SUPT5H: variants seen among roughly 807,000 people sequenced by gnomAD.
The protein encoded by SUPT5H is transcription elongation factor SPT5.
A neutral mutation model predicts 142.5 loss-of-function variants in SUPT5H; 24 were observed. That is an observed-to-expected ratio of 0.17 (90% CI 0.12 to 0.24). The LOEUF (loss-of-function observed/expected upper bound fraction) is 0.24, where lower values mean the gene tolerates loss of function less well. Among genes scored for constraint, SUPT5H ranks in the 10% least tolerant of loss-of-function variants. The probability of loss-of-function intolerance (pLI) is 1.00; values close to 1 mark genes in which losing one functional copy is unlikely to be tolerated. For missense variants in SUPT5H, 893 were observed against 1,471.8 expected, an observed-to-expected ratio of 0.61 and a Z score of 6.43; for synonymous variants, 546 against 553.0, an observed-to-expected ratio of 0.99 and a Z score of 0.18.
At position 39,469,935 on chromosome 19, in the gene SUPT5H, T is replaced by G; in HGVS notation, c.1375-184T>G. 1 of 720,538 alleles carries G rather than the reference T, an allele frequency of 1.4e-6. No homozygotes were observed. Among genetic ancestry groups the G allele is most frequent in the South Asian group, 1.9e-5 (1 of 53,892 alleles). 44.6% of individuals were successfully genotyped at this position (720,538 alleles called of 1,614,324 possible). On this transcript the variant is annotated intron_variant, in intron 16 of 29. Coordinates refer to ENST00000432763, the MANE Select transcript of SUPT5H (RefSeq NM_001111020.3). This position sits in a 1 kb window ranked among gnomAD's most constrained non-coding sequence, Gnocchi z 5.1. ...GTTGTCCAGGTTGGTGTCCTGTGTC[T>G]GGGGTCAGCTGTTTCTGGGGCAGTC...
chr19:39,450,940 C>A (rs527779504), intron 2 of SUPT5H, among the ~76,000 whole-genome samples: 4 of 152,128 alleles, frequency 2.6e-5, no homozygotes, highest in South Asian at 4.2e-4. Flanking sequence ...TTTATAGTTA[C>A]CTTGTGTTTA....
intron 2 of SUPT5H, among the ~76,000 whole-genome samples, chr19:39,449,187 A>G (rs1038966849): frequency 6.6e-6 from 1 of 152,022 alleles, no homozygotes; most frequent in Non-Finnish European, 1.5e-5. Context: ...AGGCAGTTTT[A>G]TAGATACACA....
intron 2 of SUPT5H, 56 bp downstream of exon 2, chr19:39,446,021 G>A (rs569608639): frequency 6.4e-7 from 1 of 1,571,822 alleles, no homozygotes; most frequent in Non-Finnish European, 8.6e-7. Flanking sequence ...ACTCCGGGCA[G>A]AAAGGCCCCT....
At chr19:39,457,551 G>A in intron 3 of SUPT5H, 124 bp from the exon 4 acceptor site, 1 of 1,501,606 alleles carries the variant, frequency 6.7e-7, no homozygotes, top group Non-Finnish European at 8.9e-7. Flanking sequence ...CCCTGTTGGA[G>A]CCTCAGTGTC....
At chr19:39,463,495 T>G (rs139322204) in intron 10 of SUPT5H, among the ~76,000 whole-genome samples, 2 of 152,352 alleles carry the variant, frequency 1.3e-5, no homozygotes, top group Non-Finnish European at 2.9e-5. Context: ...TTCTTTTATG[T>G]TTACTGAGAC....
intron 2 of SUPT5H, among the ~76,000 whole-genome samples, chr19:39,449,292 C>G (rs1225760523): frequency 1.3e-5 from 2 of 151,892 alleles, no homozygotes; most frequent in Non-Finnish European, 2.9e-5. Context: ...AGGGAGGAGC[C>G]AGGTTTGGAA....
Position 39,470,103 on chromosome 19 carries a change from A to G in SUPT5H, c.1375-16A>G. 1 of 1,610,826 alleles carries G rather than the reference A, an allele frequency of 6.2e-7. No homozygotes were observed. Among genetic ancestry groups the G allele is most frequent in the Non-Finnish European group, 8.5e-7 (1 of 1,177,916 alleles). On this transcript the variant is annotated splice_polypyrimidine_tract_variant and intron_variant, in intron 16 of 29. Transcript: ENST00000432763. This position sits in a 1 kb window ranked among gnomAD's most constrained non-coding sequence, Gnocchi z 5.8. ...CTCCCTTCACCTGTTTGTTGTCCCC[A>G]CACCCAATCCCCCAGGACATGTTGG...
At position 39,472,860 on chromosome 19, in the gene SUPT5H, A is replaced by AGGGGCC. The variant is rs1568432913; in HGVS notation, c.2095_2100dup (p.Gly699_Arg700dup). On this transcript the variant is annotated inframe_insertion, in exon 22 of 30. Transcript: ENST00000432763. This position sits in a 1 kb window ranked among gnomAD's most constrained non-coding sequence, Gnocchi z 4.2. ...AGGTGGCGGCAGTGGTGGCATGAGC[A>AGGGGCC]GGGGCCGGGGCCGGAGGGACAACGA... The AGGGGCC allele has an allele frequency of 6.2e-7, 1 of 1,613,774 alleles. No individual in the cohort carries two copies. Among genetic ancestry groups the AGGGGCC allele is most frequent in the Admixed American group, 1.7e-5 (1 of 59,986 alleles).
chr19:39,466,786 C>A lies in SUPT5H; in HGVS notation c.1037+41C>A. Reference sequence around the variant, plus strand: ...GACTGGCTGGGCTGGGTCCCCAGGGCCGGTGTGTAGAATGTGCCTTTTGCA... The same window carrying A: ...GACTGGCTGGGCTGGGTCCCCAGGGACGGTGTGTAGAATGTGCCTTTTGCA... On this transcript the variant is annotated intron_variant, in intron 13 of 29. Transcript: ENST00000432763. The surrounding 1 kb of genome is among the most constrained non-coding windows in gnomAD (Gnocchi z 4.3). The A allele has an allele frequency of 6.3e-7, 1 of 1,599,390 alleles. No homozygotes were observed. Among genetic ancestry groups the A allele is most frequent in the Non-Finnish European group, 8.6e-7 (1 of 1,166,600 alleles).
chr19:39,466,434 AG>A lies in SUPT5H; in HGVS notation c.877-43del, dbSNP rs2079236956. The A allele has an allele frequency of 6.4e-7, 1 of 1,554,296 alleles. No individual in the cohort carries two copies. Among genetic ancestry groups the A allele is most frequent in the African/African-American group, 1.4e-5 (1 of 73,700 alleles). On this transcript the variant is annotated intron_variant, in intron 11 of 29. Coordinates refer to ENST00000432763, the MANE Select transcript of SUPT5H (RefSeq NM_001111020.3). The surrounding 1 kb of genome is among the most constrained non-coding windows in gnomAD (Gnocchi z 4.3). ...CCTGACCCTTCTTGTGTCTGGGGTC[AG>A]GGAGGAGAGTGGGGCCCTGCTGACC...
chr19:39,457,553 C>T (rs1392595128), intron 3 of SUPT5H, 122 bp from the exon 4 acceptor site: 2 of 1,507,484 alleles, frequency 1.3e-6, no homozygotes, highest in Non-Finnish European at 1.8e-6. Flanking sequence ...CTGTTGGAGC[C>T]TCAGTGTCCT....
Position 39,459,900 on chromosome 19 carries a change from G to A in SUPT5H, c.564G>A (p.Glu188=). The A allele has an allele frequency of 6.2e-7, 1 of 1,614,098 alleles. No individual in the cohort carries two copies. The highest frequency in any genetic ancestry group is 1.6e-4 in the Middle Eastern group (1 of 6,062). The change falls in exon 10 of 30, where the codon GAG becomes GAA. Residue 188 remains glutamate (E), a synonymous_variant. Coordinates refer to ENST00000432763, the MANE Select transcript of SUPT5H (RefSeq NM_001111020.3). ...TGCCTCTCATCTTCCAGATTGGGGA[G>A]GAACGGGCCACGGCCATTTCCTTGA... is the stretch of plus-strand genomic sequence containing the variant. The part of the protein sequence containing the change: ...NLWTVKCKIG[E]ERATAISLMR...
rs114026415 is a variant in SUPT5H at position 39,448,512 on chromosome 19, G to A, written c.75+2547G>A. Among the ~76,000 whole-genome samples, 438 of 152,108 alleles carry A rather than the reference G, an allele frequency of 2.9e-3. 1 individual carries two copies. Among genetic ancestry groups the A allele is most frequent in the African/African-American group, 0.01 (418 of 41,492 alleles). ...TCCATTTCCTGTCTGGGACATTCTC[G>A]TTTGCACTGTTACTAGTCTCACTTC... On this transcript the variant is annotated intron_variant, in intron 2 of 29. Transcript: ENST00000432763.
rs1330756591 is a variant in SUPT5H, at chr19:39,472,512, CAG to C, written c.2035+20_2035+21del. ...GCTGGAGGTGAGAGGGGTTCAGGGT[CAG>C]GGGATGTGGTGGGTAGAAGGGGCTG... is the stretch of plus-strand genomic sequence containing the variant. On this transcript the variant is annotated intron_variant, in intron 21 of 29. Coordinates refer to ENST00000432763, the MANE Select transcript of SUPT5H (RefSeq NM_001111020.3). This position sits in a 1 kb window ranked among gnomAD's most constrained non-coding sequence, Gnocchi z 4.2. 6 of 1,613,130 alleles carry C rather than the reference CAG, an allele frequency of 3.7e-6. No individual in the cohort carries two copies. The highest frequency in any genetic ancestry group is 2.2e-5 in the East Asian group (1 of 44,876).
Position 39,458,772 on chromosome 19 carries a change from G to A in SUPT5H, c.320-46G>A, listed in dbSNP as rs528257082. ...ACGCTCCTATTTTCTCCAGGCCCCT[G>A]CCCTCCACCTGCCCTTGCTCACGCC... is the stretch of plus-strand genomic sequence containing the variant. On this transcript the variant is annotated intron_variant, in intron 5 of 29. Transcript: ENST00000432763. This position sits in a 1 kb window ranked among gnomAD's most constrained non-coding sequence, Gnocchi z 4.2. 4.5e-6 allele frequency: 7 copies of A among 1,560,514 alleles called. No homozygotes were observed. The East Asian group carries it at 1.6e-4, about 35-fold the overall frequency.
Position 39,474,179 on chromosome 19 carries a change from A to C in SUPT5H, c.2652-55A>C. On this transcript the variant is annotated intron_variant, in intron 26 of 29. Coordinates refer to ENST00000432763, the MANE Select transcript of SUPT5H (RefSeq NM_001111020.3). This position sits in a 1 kb window ranked among gnomAD's most constrained non-coding sequence, Gnocchi z 6.5. Reference sequence around the variant, plus strand: ...CTGCCCAAACCCTCCTACTGCCACCACCTCTTTTCCCCTCCCTCCTCCAAC... The same window carrying C: ...CTGCCCAAACCCTCCTACTGCCACCCCCTCTTTTCCCCTCCCTCCTCCAAC... The C allele has an allele frequency of 6.2e-7, 1 of 1,609,840 alleles. No homozygotes were observed. The highest frequency in any genetic ancestry group is 8.5e-7 in the Non-Finnish European group (1 of 1,178,056).
chr19:39,447,193 T>C (rs1341975299), intron 2 of SUPT5H, among the ~76,000 whole-genome samples: 1 of 152,164 alleles, frequency 6.6e-6, no homozygotes, highest in East Asian at 1.9e-4. Context: ...GGGGGTCCAC[T>C]TTGGTTGGAT....
chr19:39,464,124 C>G (rs1327591854), intron 10 of SUPT5H, among the ~76,000 whole-genome samples: 2 of 151,838 alleles, frequency 1.3e-5, no homozygotes, highest in Non-Finnish European at 2.9e-5. Flanking sequence ...GCTGGGATGA[C>G]AGGCATGTGC....
At chr19:39,445,702 C>T in intron 1 of SUPT5H, 65 bp downstream of exon 1, 3 of 653,560 alleles carry the variant, frequency 4.6e-6, no homozygotes, top group Non-Finnish European at 7.9e-6. Context: ...GATTCGGAAA[C>T]TGGGGAGGTC....
Sources: gnomAD v4.1 joint callset for allele counts (sites outside exome capture counted in the v4.1 genomes callset) on GRCh38, gnomAD v4.1.1 for gene constraint, Gnocchi (gnomAD v3.1) non-coding constraint, MANE v1.5 for transcripts, NCBI Gene and HGNC (gene_info 2026-07-23, HGNC 2026-07-21) for gene names.